Variants in MUC22 observed in about 807,000 individuals in gnomAD.
The protein encoded by MUC22 is mucin 22.
Under a neutral mutation model 40.3 loss-of-function variants are expected in MUC22, and 24 were observed. The observed-to-expected ratio is 0.60, with a 90% CI of 0.43 to 0.84. MUC22 has a LOEUF of 0.84. Ranked by LOEUF, MUC22 falls within the 40% of genes least tolerant of loss-of-function variation. MUC22 has a pLI of 0.00. For synonymous variants in MUC22, 765 were observed against 844.5 expected (o/e 0.91, Z 1.63); for missense variants, 1,926 against 2,130.7 (o/e 0.90, Z 1.89).
rs74814630 is a variant in MUC22 at position 31,011,096 on chromosome 6, GT to G, written c.70+331del. 0.37 allele frequency among the ~76,000 whole-genome samples: 55,582 copies of G among 148,868 alleles called. 11,282 individuals are homozygous for G. Among genetic ancestry groups the G allele is most frequent in the African/African-American group, 0.56 (22,727 of 40,724 alleles). ...ACTTTCCTTTGTATCTTGGATAAAA[GT>G]TTTTTTTTTTAACCGGAAAACTCTA... On this transcript the variant is annotated intron_variant, in intron 1 of 3. Coordinates refer to ENST00000561890, the Ensembl canonical transcript of MUC22. This position sits in a 1 kb window ranked among gnomAD's most constrained non-coding sequence, Gnocchi z 4.5.
At chr6:31,010,494 A>G (rs1763790411) in exon 1 of MUC22, 1 of 556,694 alleles carries the variant, frequency 1.8e-6, no homozygotes, top group African/African-American at 1.9e-5. Context: ...AAAAATAAGA[A>G]GCCAAACTGT....
exon 2 of MUC22, chr6:31,027,326 G>C (rs568882292): frequency 6.5e-7 from 1 of 1,530,432 alleles, no homozygotes; most frequent in Non-Finnish European, 8.7e-7. Context: ...TCTACTGAAG[G>C]CTCTGAGACC....
At chr6:31,013,413 T>C (rs4713408) in intron 1 of MUC22, among the ~76,000 whole-genome samples, 58,269 of 150,970 alleles carry the variant, frequency 0.39, 11,392 homozygotes, top group East Asian at 0.47. Flanking sequence ...GGGTGTGAGC[T>C]ACCGGGCCTG....
exon 2 of MUC22, chr6:31,025,635 C>T (rs1194493668): frequency 2.0e-6 from 3 of 1,526,060 alleles, no homozygotes; most frequent in Admixed American, 2.0e-5. Flanking sequence ...TCACCACAGA[C>T]TCTACCACAG....
exon 2 of MUC22, chr6:31,029,301 T>C (rs11753789): frequency 0.13 from 192,845 of 1,531,314 alleles, 13,235 homozygotes; most frequent in Middle Eastern, 0.17. Flanking sequence ...CAGTCACTAC[T>C]GCAGGTTCTG....
Position 31,026,161 on chromosome 6 carries a change from G to T in MUC22, c.730G>T (p.Asp244Tyr), listed in dbSNP as rs1464039362. 2.6e-6 allele frequency: 4 copies of T among 1,524,240 alleles called. No homozygotes were observed. The South Asian group carries it at 3.6e-5, about 14-fold the overall frequency. 94.4% of individuals were successfully genotyped at this position (1,524,240 alleles called of 1,614,324 possible). ...TGAGGCCACCACAACCTCAACTGCAGACTCCAAGGTGATCACGGCATCCAG... is the reference window on the plus strand; with the variant it reads ...TGAGGCCACCACAACCTCAACTGCATACTCCAAGGTGATCACGGCATCCAG... The change falls in exon 2 of 4, where the codon GAC (aspartate) becomes TAC (tyrosine). Residue 244 changes from aspartate (D) to tyrosine (Y), a missense_variant. By Grantham distance (160) the Asp-to-Tyr change is radical. Coordinates refer to ENST00000561890, the Ensembl canonical transcript of MUC22.
At chr6:31,025,735 G>T (rs1469259269) in exon 2 of MUC22, 1 of 1,529,410 alleles carries the variant, frequency 6.5e-7, no homozygotes. Flanking sequence ...CACAGACTCA[G>T]GGACTACTAT....
exon 2 of MUC22, chr6:31,028,725 C>T: frequency 6.5e-7 from 1 of 1,529,578 alleles, no homozygotes; most frequent in Non-Finnish European, 8.7e-7. Flanking sequence ...CCACCACCAC[C>T]TCTACTGAAG....
In MUC22 at chr6:31,032,506, C is replaced by G. The variant is rs1037100606; in HGVS notation, c.4980C>G (p.Pro1660=). 1 of 1,535,716 alleles carries G rather than the reference C, an allele frequency of 6.5e-7. No homozygotes were observed. The highest frequency in any genetic ancestry group is 1.4e-5 in the African/African-American group (1 of 73,162). ...TCAAACCAAGTGGATATTTACAGCC[C>G]TGGGCTATCATCCTCATTTCCCTGG... Residue 1660 remains proline (P), a synonymous_variant, in exon 3 of 4, where the codon CCC becomes CCG. Transcript: ENST00000561890. The surrounding 1 kb of genome is among the most constrained non-coding windows in gnomAD (Gnocchi z 4.1).
chr6:31,016,091 CT>C lies in MUC22; in HGVS notation c.70+5323del, dbSNP rs201494313. Among the ~76,000 whole-genome samples, 504 of 141,034 alleles carry C rather than the reference CT, an allele frequency of 3.6e-3. 4 individuals carry two copies. The highest frequency in any genetic ancestry group is 0.019 in the Middle Eastern group (5 of 266). 92.5% of individuals were successfully genotyped at this position (141,034 alleles called of 152,430 possible). ...TGAGGTTTTTTTTTTTCAAAGAGAT[CT>C]TTTTTTTCTCTACAACCATTTTTAA... On this transcript the variant is annotated intron_variant, in intron 1 of 3. Transcript: ENST00000561890.
At chr6:31,026,677 A>T in exon 2 of MUC22, 1 of 1,506,388 alleles carries the variant, frequency 6.6e-7, no homozygotes, top group Non-Finnish European at 8.9e-7. Flanking sequence ...AGATTCTGAG[A>T]CCACTGCAGC....
intron 1 of MUC22, among the ~76,000 whole-genome samples, chr6:31,023,177 A>AAAGT (rs530112143): frequency 0.3 from 38,553 of 129,708 alleles, 4,951 homozygotes; most frequent in East Asian, 0.41. Flanking sequence ...AAAAAAAAAA[A>AAAGT]AGGCGAAAAA....
intron 3 of MUC22, among the ~76,000 whole-genome samples, chr6:31,033,165 G>A (rs534281243): frequency 6.0e-4 from 91 of 151,662 alleles, no homozygotes; most frequent in Non-Finnish European, 1.2e-3. Context: ...ATCCTGTCTC[G>A]AAAGGAAGGA....
Position 31,028,015 on chromosome 6 carries a change from G to T in MUC22, c.2584G>T (p.Asp862Tyr). The T allele has an allele frequency of 2.0e-6, 3 of 1,532,998 alleles. No individual in the cohort carries two copies. In the South Asian group the frequency reaches 3.6e-5, roughly 18 times the overall value. The allele number at this position is 1,532,998 out of a possible 1,614,324, so 95.0% of individuals were successfully genotyped here. A position where few individuals can be genotyped will look rare whatever the true frequency, so the allele number is the denominator to read the frequency against. Reference sequence around the variant, plus strand: ...TGAGAACACCACAGCATCTACTGCAGATTCTGAGACCACCTCAGCCTCTAC... The same window carrying T: ...TGAGAACACCACAGCATCTACTGCATATTCTGAGACCACCTCAGCCTCTAC... The change falls in exon 2 of 4, where the codon GAT becomes TAT. Residue 862 changes from aspartate to tyrosine, a missense_variant. Physicochemically the swap from Asp to Tyr is radical, Grantham distance 160. Coordinates refer to ENST00000561890, the Ensembl canonical transcript of MUC22.
chr6:31,024,868 T>G (rs7767799), intron 1 of MUC22, among the ~76,000 whole-genome samples: 3 of 136,982 alleles, frequency 2.2e-5, no homozygotes, highest in Admixed American at 7.4e-5. Context: ...ATTGCTGCCT[T>G]CTTTTTTTTT....
intron 1 of MUC22, among the ~76,000 whole-genome samples, chr6:31,024,301 C>A (rs1051081097): frequency 6.6e-6 from 1 of 152,110 alleles, no homozygotes; most frequent in African/African-American, 2.4e-5. Flanking sequence ...ATCTAAGGAT[C>A]AGGTGGCAGC....
intron 1 of MUC22, among the ~76,000 whole-genome samples, chr6:31,022,196 G>T (rs1457065918): frequency 6.6e-6 from 1 of 152,192 alleles, no homozygotes; most frequent in African/African-American, 2.4e-5. Flanking sequence ...GTGAGGGTCT[G>T]TGGCTTCATT....
exon 4 of MUC22, chr6:31,034,753 T>C (rs974315622): frequency 6.5e-7 from 1 of 1,535,732 alleles, no homozygotes. Flanking sequence ...GGACCTGAAC[T>C]TGGGCCTGGG....
At chr6:31,007,155 T>TA, upstream of MUC22, among the ~76,000 whole-genome samples, 1 of 152,334 alleles carries the variant, frequency 6.6e-6, no homozygotes, top group East Asian at 1.9e-4. This position sits in a 1 kb window ranked among gnomAD's most constrained non-coding sequence, Gnocchi z 4.0. Context: ...AAATGTATGA[T>TA]AAAAAATTTA....
Sources: gnomAD v4.1 joint callset for allele counts (sites outside exome capture counted in the v4.1 genomes callset) on GRCh38, gnomAD v4.1.1 for gene constraint, Gnocchi (gnomAD v3.1) non-coding constraint, MANE v1.5 for transcripts, NCBI Gene and HGNC (gene_info 2026-07-23, HGNC 2026-07-21) for gene names.